Variants in DPP10 observed in about 807,000 individuals in gnomAD.
DPP10 encodes the protein inactive dipeptidyl peptidase 10.
In DPP10, 33 loss-of-function variants were observed where a neutral mutation model predicts 120.9. That is an observed-to-expected ratio of 0.27 (90% CI 0.21 to 0.37). The LOEUF (loss-of-function observed/expected upper bound fraction) is 0.37, where lower values mean the gene tolerates loss of function less well. Ranked by LOEUF, DPP10 falls within the 10% of genes least tolerant of loss-of-function variation. The pLI is 1.00. For missense variants in DPP10, 816 were observed against 942.8 expected (o/e 0.87, Z 1.76); for synonymous variants, 337 against 326.1 (o/e 1.03, Z -0.36).
chr2:115,620,862 G>C (rs965604025), intron 5 of DPP10, among the ~76,000 whole-genome samples: 7 of 152,176 alleles, frequency 4.6e-5, no homozygotes, highest in Admixed American at 1.3e-4. Flanking sequence ...AGTACCCATA[G>C]TTACCCCAGG....
At chr2:114,830,654 TA>T (rs1687021347) in intron 1 of DPP10, among the ~76,000 whole-genome samples, 1 of 152,190 alleles carries the variant, frequency 6.6e-6, no homozygotes, top group South Asian at 2.1e-4. Context: ...AACAACCTCT[TA>T]TTTTTTTTAA....
chr2:115,183,980 C>T (rs1046038976), intron 1 of DPP10, among the ~76,000 whole-genome samples: 10 of 152,088 alleles, frequency 6.6e-5, no homozygotes, highest in African/African-American at 2.4e-4. Flanking sequence ...AGGAGAGGTG[C>T]ACAAGCCAAA....
At chr2:114,513,459 G>A (rs1247967864) in intron 1 of DPP10, among the ~76,000 whole-genome samples, 2 of 148,852 alleles carry the variant, frequency 1.3e-5, no homozygotes. Context: ...AGGCAGAGGT[G>A]GCAGTGAGCC....
chr2:114,935,399 T>C (rs1469383447), intron 1 of DPP10, among the ~76,000 whole-genome samples: 2 of 152,178 alleles, frequency 1.3e-5, no homozygotes, highest in Non-Finnish European at 2.9e-5. Context: ...GGACCTAATG[T>C]GCCCATTAGG....
chr2:115,651,270 A>G (rs1224325563), intron 5 of DPP10, among the ~76,000 whole-genome samples: 1 of 152,108 alleles, frequency 6.6e-6, no homozygotes, highest in African/African-American at 2.4e-5. Flanking sequence ...GTATAATATG[A>G]ATAGACTTCT....
chr2:114,829,832 T>C (rs1427558289), intron 1 of DPP10, among the ~76,000 whole-genome samples: 1 of 152,202 alleles, frequency 6.6e-6, no homozygotes, highest in Non-Finnish European at 1.5e-5. Context: ...TGACAGATCT[T>C]GAAAGCGTCA....
intron 1 of DPP10, among the ~76,000 whole-genome samples, chr2:114,814,219 G>C (rs1166455485): frequency 6.6e-6 from 1 of 152,158 alleles, no homozygotes; most frequent in African/African-American, 2.4e-5. Flanking sequence ...TGGAATGGTA[G>C]TAACTTCCAG....
intron 3 of DPP10, among the ~76,000 whole-genome samples, chr2:115,356,270 C>T (rs2064380808): frequency 6.6e-6 from 1 of 152,118 alleles, no homozygotes. Context: ...AGCAACTTCA[C>T]ATCCCTAGTT....
At chr2:115,238,486 T>C (rs963733274) in intron 1 of DPP10, among the ~76,000 whole-genome samples, 1 of 152,208 alleles carries the variant, frequency 6.6e-6, no homozygotes, top group Non-Finnish European at 1.5e-5. Context: ...ATTTTGTATT[T>C]CAAATCTTAT....
intron 1 of DPP10, among the ~76,000 whole-genome samples, chr2:114,613,068 C>G (rs998818715): frequency 6.6e-6 from 1 of 152,006 alleles, no homozygotes; most frequent in African/African-American, 2.4e-5. Context: ...ACATTTATCC[C>G]CAAATCTCTA....
At chr2:114,676,220 G>C (rs1698664047) in intron 1 of DPP10, among the ~76,000 whole-genome samples, 1 of 152,144 alleles carries the variant, frequency 6.6e-6, no homozygotes, top group Non-Finnish European at 1.5e-5. Context: ...AGACAATGCT[G>C]ATACATGCAG....
intron 3 of DPP10, among the ~76,000 whole-genome samples, chr2:115,369,590 G>C (rs189469399): frequency 6.6e-6 from 1 of 152,050 alleles, no homozygotes; most frequent in Non-Finnish European, 1.5e-5. Context: ...TGGGTGTTAC[G>C]TAATACTGGA....
At chr2:114,887,819 A>G (rs1373509152) in intron 1 of DPP10, among the ~76,000 whole-genome samples, 3 of 152,206 alleles carry the variant, frequency 2.0e-5, no homozygotes, top group African/African-American at 7.2e-5. Context: ...CACTTATACC[A>G]TATGACTCTG....
intron 1 of DPP10, among the ~76,000 whole-genome samples, chr2:114,546,751 G>A (rs1484970775): frequency 6.6e-6 from 1 of 152,206 alleles, no homozygotes; most frequent in Non-Finnish European, 1.5e-5. Context: ...GTATGAGTCT[G>A]ATGCTGAGAT....
At chr2:114,728,313 G>A (rs1558677986) in intron 1 of DPP10, among the ~76,000 whole-genome samples, 2 of 152,056 alleles carry the variant, frequency 1.3e-5, no homozygotes. Flanking sequence ...TTCTAACCTG[G>A]GACAGCAGAG....
At chr2:114,785,114 C>T (rs575531027) in intron 1 of DPP10, among the ~76,000 whole-genome samples, 75 of 152,250 alleles carry the variant, frequency 4.9e-4, no homozygotes, top group African/African-American at 1.6e-3. Flanking sequence ...AGGATGTGCA[C>T]GGCTGAACTG....
At chr2:115,440,958 G>C (rs1054401982) in intron 3 of DPP10, 1 of 152,160 alleles carries the variant, frequency 6.6e-6, no homozygotes, top group Non-Finnish European at 1.5e-5. Flanking sequence ...TGGCAGAAGC[G>C]GGTTGGGTAA....
chr2:115,733,225 G>A (rs1265553187), intron 8 of DPP10, among the ~76,000 whole-genome samples: 1 of 152,080 alleles, frequency 6.6e-6, no homozygotes, highest in African/African-American at 2.4e-5. Flanking sequence ...TCACCTTCAT[G>A]TTTGTTTCAC....
intron 3 of DPP10, among the ~76,000 whole-genome samples, chr2:115,449,828 G>A (rs1186265823): frequency 6.6e-6 from 1 of 152,076 alleles, no homozygotes; most frequent in Non-Finnish European, 1.5e-5. Flanking sequence ...AGGTAGTACA[G>A]AAGTTACGTG....
Sources: allele counts gnomAD v4.1 joint callset (sites outside exome capture counted in the v4.1 genomes callset), GRCh38; gene constraint gnomAD v4.1.1; transcripts MANE v1.5; gene names NCBI Gene and HGNC (gene_info 2026-07-23, HGNC 2026-07-21).